The following ABCA1 variants were observed in gnomAD, a reference collection of about 807,000 sequenced individuals.
ABCA1 encodes ATP binding cassette subfamily A member 1.
ABCA1 carries 133 observed loss-of-function variants against 262.5 expected under a neutral mutation model. That is an observed-to-expected ratio of 0.51 (90% CI 0.44 to 0.59). The LOEUF (loss-of-function observed/expected upper bound fraction) is 0.59. Among genes scored for constraint, ABCA1 ranks in the 20% least tolerant of loss-of-function variants. The pLI, the probability that ABCA1 is intolerant of heterozygous loss-of-function variation, is 0.00. For missense variants in ABCA1, 2,452 were observed against 2,777.5 expected, an observed-to-expected ratio of 0.88 and a Z score of 2.63; for synonymous variants, 1,022 against 1,043.5, an observed-to-expected ratio of 0.98 and a Z score of 0.40.
At chr9:104,885,437 A>G (rs1282763136) in intron 3 of ABCA1, among the ~76,000 whole-genome samples, 1 of 151,720 alleles carries the variant, frequency 6.6e-6, no homozygotes, top group Non-Finnish European at 1.5e-5. Context: ...TGTCAGTTTC[A>G]CCTCCTCTGC....
chr9:104,904,564 CAA>C (rs35949087), intron 1 of ABCA1, among the ~76,000 whole-genome samples: 884 of 76,916 alleles, frequency 0.011, 2 homozygotes, highest in African/African-American at 0.041. Context: ...GACTCTGTCT[CAA>C]AAAAAAAAAA....
intron 20 of ABCA1, among the ~76,000 whole-genome samples, chr9:104,820,503 A>G (rs1389631039): frequency 1.3e-5 from 2 of 152,114 alleles, no homozygotes; most frequent in Non-Finnish European, 2.9e-5. Flanking sequence ...CCATGTGTTC[A>G]CTTTAGATGA....
At chr9:104,789,045 G>C in intron 44 of ABCA1, among the ~76,000 whole-genome samples, 1 of 152,230 alleles carries the variant, frequency 6.6e-6, no homozygotes, top group East Asian at 1.9e-4. Flanking sequence ...TATGAAGCCA[G>C]TCAAGTGAAG....
In ABCA1 at chr9:104,806,434, C is replaced by G. The variant is rs577453750; in HGVS notation, c.4275-4G>C. On this transcript the variant is annotated splice_polypyrimidine_tract_variant and splice_region_variant and intron_variant, in intron 30 of 49. Coordinates refer to ENST00000374736, the MANE Select transcript of ABCA1 (RefSeq NM_005502.4). ...CCCTGCCTGGCAGGGCGTGTCTCTG[C>G]AAAGGGAAGACAGCAAGAGTAGGAT... 1.9e-6 allele frequency: 3 copies of G among 1,614,084 alleles called. No homozygotes were observed. The highest frequency in any genetic ancestry group is 2.7e-5 in the African/African-American group (2 of 75,046).
At chr9:104,910,788 T>A (rs371130524) in intron 1 of ABCA1, among the ~76,000 whole-genome samples, 1 of 152,214 alleles carries the variant, frequency 6.6e-6, no homozygotes, top group South Asian at 2.1e-4. Flanking sequence ...CACTGCAACC[T>A]CTGCCTCCCA....
At chr9:104,885,109 G>A (rs985744127) in intron 3 of ABCA1, among the ~76,000 whole-genome samples, 3 of 152,270 alleles carry the variant, frequency 2.0e-5, no homozygotes, top group South Asian at 2.1e-4. Context: ...GGTGGCAGGC[G>A]CCTGTAATCC....
chr9:104,789,635 G>A (rs575933600), intron 44 of ABCA1, among the ~76,000 whole-genome samples: 6 of 152,316 alleles, frequency 3.9e-5, no homozygotes, highest in African/African-American at 1.2e-4. Context: ...ATAGCAGAGT[G>A]CACTACAATT....
intron 5 of ABCA1, among the ~76,000 whole-genome samples, chr9:104,882,028 T>TTAAAAAA (rs1838701856): frequency 1.4e-5 from 1 of 73,748 alleles, no homozygotes; most frequent in African/African-American, 4.9e-5. Flanking sequence ...TCTGTAGCCT[T>TTAAAAAA]AAAAAAAAAA....
chr9:104,788,561 T>A lies in ABCA1; in HGVS notation c.5934A>T (p.Leu1978Phe). 6.2e-7 allele frequency: 1 copy of A among 1,614,170 alleles called. No individual in the cohort carries two copies. Among genetic ancestry groups the A allele is most frequent in the Non-Finnish European group, 8.5e-7 (1 of 1,180,014 alleles). Residue 1978 changes from leucine (L) to phenylalanine (F), a missense_variant, in exon 45 of 50, where the codon TTA (leucine) becomes TTT (phenylalanine). Leu to Phe is a conservative substitution (Grantham distance 22). Around this residue, in one of 4 missense-constraint regions of ABCA1, gnomAD observed 752 missense variants for 944.5 expected, o/e 0.80. Transcript: ENST00000374736. ...TCTGATGTACTTCATGGATGTTTGA[T>A]AAGATACTGCAAAGGACAAGAAAAC... Reference protein sequence around the residue: ...GDAFLNKNSILSNIHEVHQNM... With the variant: ...GDAFLNKNSIFSNIHEVHQNM...
At chr9:104,895,173 TC>T (rs1293865575) in intron 2 of ABCA1, among the ~76,000 whole-genome samples, 1 of 152,118 alleles carries the variant, frequency 6.6e-6, no homozygotes, top group Non-Finnish European at 1.5e-5. Flanking sequence ...ACCCCACACC[TC>T]CCCATGGGGT....
rs558302497 is a variant in ABCA1 at position 104,900,541 on chromosome 9, G to A, written c.66+3073C>T. On this transcript the variant is annotated intron_variant, in intron 2 of 49. Transcript: ENST00000374736. ...CCCAAAACCCTTAAGAGGTTCTGAC[G>A]TCTAAACAATATAATCTAGAAATCT... Among the ~76,000 whole-genome samples the A allele has an allele frequency of 7.2e-5, 11 of 152,292 alleles. No homozygotes were observed. In the East Asian group the frequency reaches 1.3e-3, roughly 19 times the overall value.
intron 2 of ABCA1, among the ~76,000 whole-genome samples, chr9:104,901,575 G>T (rs888431610): frequency 6.6e-6 from 1 of 152,160 alleles, no homozygotes; most frequent in African/African-American, 2.4e-5. Context: ...GAGTAAGGAC[G>T]GACATAGAGG....
chr9:104,806,609 A>C (rs991794951), intron 30 of ABCA1, among the ~76,000 whole-genome samples, 179 bp from the exon 31 acceptor site: 3 of 152,240 alleles, frequency 2.0e-5, no homozygotes, highest in African/African-American at 4.8e-5. Flanking sequence ...GTACACTGTG[A>C]CATCATTTAT....
At chr9:104,843,248 C>T (rs1834546945) in intron 8 of ABCA1, among the ~76,000 whole-genome samples, 1 of 152,238 alleles carries the variant, frequency 6.6e-6, no homozygotes, top group South Asian at 2.1e-4. Context: ...AGCGTGTTCA[C>T]TGCTGAGTCC....
intron 3 of ABCA1, among the ~76,000 whole-genome samples, 186 bp downstream of exon 3, chr9:104,888,916 T>C (rs1223835139): frequency 6.6e-6 from 1 of 152,234 alleles, no homozygotes; most frequent in Admixed American, 6.5e-5. Context: ...CACCATTCAC[T>C]AGGACTGAAA....
rs1046318975 is a variant in ABCA1, at chr9:104,784,048, T to C, written c.*267A>G. 8 of 410,230 alleles carry C rather than the reference T, an allele frequency of 2.0e-5. No individual in the cohort carries two copies. The highest frequency in any genetic ancestry group is 3.1e-5 in the Non-Finnish European group (7 of 225,230). The allele number at this position is 410,230 out of a possible 1,614,324, so 25.4% of individuals were successfully genotyped here. ...CCCATATGTCCATTGGGTTCCATAA[T>C]AGAGTTTCACATAGGTATAGGTAAA... On this transcript the variant is annotated 3_prime_UTR_variant, in exon 50 of 50. Transcript: ENST00000374736.
At chr9:104,867,350 G>T (rs948212906) in intron 5 of ABCA1, among the ~76,000 whole-genome samples, 1 of 152,178 alleles carries the variant, frequency 6.6e-6, no homozygotes, top group Admixed American at 6.5e-5. Flanking sequence ...GTATAATGCC[G>T]GGCACTGAGT....
chr9:104,900,642 G>C (rs1001448555), intron 2 of ABCA1, among the ~76,000 whole-genome samples: 1 of 152,088 alleles, frequency 6.6e-6, no homozygotes, highest in Non-Finnish European at 1.5e-5. Context: ...TATACACAGA[G>C]AGCAAAGCAA....
chr9:104,893,421 C>CAAAAAAAAAAAAAAAAAAAAAAA lies in ABCA1; in HGVS notation c.67-4249_67-4227dup, dbSNP rs34544647. ...TGGGCAACAGAGTGAGACTTCACCTCAAAAAAAAAAAAAAAAAAAAAAAAA... is the reference window on the plus strand; with the variant it reads ...TGGGCAACAGAGTGAGACTTCACCTCAAAAAAAAAAAAAAAAAAAAAAAAAAAAAAAAAAAAAAAAAAAAAAAA... On this transcript the variant is annotated intron_variant, in intron 2 of 49. Transcript: ENST00000374736. 1.0e-3 allele frequency among the ~76,000 whole-genome samples: 36 copies of CAAAAAAAAAAAAAAAAAAAAAAA among 35,272 alleles called. 3 individuals are homozygous for CAAAAAAAAAAAAAAAAAAAAAAA. Among genetic ancestry groups the CAAAAAAAAAAAAAAAAAAAAAAA allele is most frequent in the Non-Finnish European group, 1.4e-3 (25 of 17,590 alleles). The allele number at this position is 35,272 out of a possible 152,430, so 23.1% of individuals were successfully genotyped here.
Sources: allele counts gnomAD v4.1 joint callset (sites outside exome capture counted in the v4.1 genomes callset), GRCh38; gene constraint gnomAD v4.1.1; regional missense constraint gnomAD v4.1.1; transcripts MANE v1.5; gene names NCBI Gene and HGNC (gene_info 2026-07-23, HGNC 2026-07-21).